The following TMEM108 variants were observed in gnomAD, a reference collection of about 807,000 sequenced individuals.
TMEM108 encodes the protein transmembrane protein 108, also known as cancer/testis antigen 124.
In TMEM108, 12 loss-of-function variants were observed where a neutral mutation model predicts 35.1. That is an observed-to-expected ratio of 0.34 (90% CI 0.22 to 0.55). The LOEUF (loss-of-function observed/expected upper bound fraction) is 0.55, where lower values mean the gene tolerates loss of function less well. Ranked by LOEUF, TMEM108 falls within the 20% of genes least tolerant of loss-of-function variation. The pLI, the probability that TMEM108 is intolerant of heterozygous loss-of-function variation, is 0.89. For synonymous variants in TMEM108, 287 were observed against 308.6 expected (o/e 0.93, Z 0.73); for missense variants, 680 against 753.3 (o/e 0.90, Z 1.14).
intron 3 of TMEM108, among the ~76,000 whole-genome samples, chr3:133,244,809 C>T (rs1168493315): frequency 2.0e-5 from 3 of 152,168 alleles, no homozygotes. Context: ...TAAAGAAGGG[C>T]AGTCTCTGTG....
chr3:133,189,226 A>G (rs953711577), intron 2 of TMEM108, among the ~76,000 whole-genome samples: 9 of 152,244 alleles, frequency 5.9e-5, no homozygotes, highest in African/African-American at 2.2e-4. Context: ...TAACTGATCT[A>G]GTGGTTTGGC....
At chr3:133,340,926 G>A (rs1461207960) in intron 3 of TMEM108, among the ~76,000 whole-genome samples, 5 of 151,718 alleles carry the variant, frequency 3.3e-5, no homozygotes, top group Non-Finnish European at 4.4e-5. Flanking sequence ...CATAATAAAA[G>A]CCATATACTA....
chr3:133,099,703 C>A (rs1398951825), intron 2 of TMEM108, among the ~76,000 whole-genome samples: 1 of 152,202 alleles, frequency 6.6e-6, no homozygotes, highest in Non-Finnish European at 1.5e-5. Flanking sequence ...AGTATGCCAC[C>A]AGTCTCTTTG....
chr3:133,387,803 T>C (rs1020549579), intron 4 of TMEM108: 10 of 980,284 alleles, frequency 1.0e-5, no homozygotes, highest in Non-Finnish European at 1.2e-5. Context: ...ATGCAAGTAA[T>C]AGATTGTCAC....
At chr3:133,198,957 T>C (rs1210649590) in intron 2 of TMEM108, among the ~76,000 whole-genome samples, 1 of 152,226 alleles carries the variant, frequency 6.6e-6, no homozygotes, top group Non-Finnish European at 1.5e-5. Flanking sequence ...TCTTTTCACA[T>C]ACTCCCATAT....
intron 2 of TMEM108, among the ~76,000 whole-genome samples, chr3:133,211,502 A>T (rs1386049776): frequency 6.6e-6 from 1 of 152,232 alleles, no homozygotes; most frequent in Admixed American, 6.5e-5. Context: ...ATATCATTTA[A>T]TTCCCTGACC....
At position 133,380,582 on chromosome 3, in the gene TMEM108, T is replaced by A; in HGVS notation, c.871T>A (p.Phe291Ile). Residue 291 changes from phenylalanine to isoleucine, a missense_variant, in exon 4 of 6, where the codon TTC becomes ATC. Transcript: ENST00000321871. This position sits in a 1 kb window ranked among gnomAD's most constrained non-coding sequence, Gnocchi z 5.3. ...RRAAQGGGST[F>I]TSQGGTPDAT... Reference sequence around the variant, plus strand: ...AGCAGCCCAGGGGGGTGGTTCTACCTTCACCAGCCAAGGAGGGACACCAGA... The same window carrying A: ...AGCAGCCCAGGGGGGTGGTTCTACCATCACCAGCCAAGGAGGGACACCAGA... 6.2e-7 allele frequency: 1 copy of A among 1,613,200 alleles called. No homozygotes were observed. Among genetic ancestry groups the A allele is most frequent in the Non-Finnish European group, 8.5e-7 (1 of 1,179,492 alleles).
intron 2 of TMEM108, among the ~76,000 whole-genome samples, chr3:133,129,358 C>A (rs931493515): frequency 5.4e-5 from 7 of 128,822 alleles, no homozygotes; most frequent in Non-Finnish European, 1.0e-4. Context: ...ACCCCCCCCC[C>A]CAAAAAAAAA....
At chr3:133,156,088 A>ATTTATTTATTTATTTATTTATTTATTTT (rs1944877926) in intron 2 of TMEM108, among the ~76,000 whole-genome samples, 1 of 149,292 alleles carries the variant, frequency 6.7e-6, no homozygotes, top group Non-Finnish European at 1.5e-5. Flanking sequence ...TTATTTATTT[A>ATTTATTTATTTATTTATTTATTTATTTT]TTCTTTTTGG....
chr3:133,169,813 T>C (rs1276363836), intron 2 of TMEM108, among the ~76,000 whole-genome samples: 1 of 152,144 alleles, frequency 6.6e-6, no homozygotes, highest in Non-Finnish European at 1.5e-5. Context: ...CAATTATCTA[T>C]CAAATACCAG....
At chr3:133,189,456 A>G (rs1267665171) in intron 2 of TMEM108, among the ~76,000 whole-genome samples, 1 of 152,162 alleles carries the variant, frequency 6.6e-6, no homozygotes, top group Non-Finnish European at 1.5e-5. Context: ...CATCCATTAC[A>G]TTGGGAAAAG....
intron 3 of TMEM108, among the ~76,000 whole-genome samples, chr3:133,239,676 T>C (rs1448831888): frequency 6.6e-6 from 1 of 152,202 alleles, no homozygotes; most frequent in Non-Finnish European, 1.5e-5. Context: ...AAGAATTACA[T>C]GTCTAAGTCT....
At chr3:133,172,117 T>C (rs1445418583) in intron 2 of TMEM108, among the ~76,000 whole-genome samples, 2 of 152,178 alleles carry the variant, frequency 1.3e-5, no homozygotes, top group African/African-American at 4.8e-5. Context: ...CATTTAACGC[T>C]CACAGGGATG....
intron 2 of TMEM108, among the ~76,000 whole-genome samples, chr3:133,057,147 G>A (rs9917759): frequency 0.068 from 10,377 of 152,062 alleles, 1,218 homozygotes; most frequent in African/African-American, 0.24. Context: ...TCAGCTACAA[G>A]AGTGTCAGTG....
chr3:133,238,055 G>A (rs1333796255), intron 3 of TMEM108, among the ~76,000 whole-genome samples: 1 of 151,996 alleles, frequency 6.6e-6, no homozygotes, highest in Non-Finnish European at 1.5e-5. Context: ...TTAATAGTCT[G>A]GTCCCGGACT....
At chr3:133,329,489 A>G (rs1333836197) in intron 3 of TMEM108, among the ~76,000 whole-genome samples, 1 of 152,142 alleles carries the variant, frequency 6.6e-6, no homozygotes, top group Admixed American at 6.5e-5. Context: ...GGCCTCAAAG[A>G]AAAGCTCCAG....
intron 2 of TMEM108, among the ~76,000 whole-genome samples, chr3:133,146,213 A>G (rs188527048): frequency 1.3e-5 from 2 of 152,318 alleles, no homozygotes; most frequent in South Asian, 2.1e-4. Context: ...TTCTGCATCT[A>G]TTGAGATAAT....
At chr3:133,364,784 T>TC (rs773960285) in intron 3 of TMEM108, among the ~76,000 whole-genome samples, 32 of 152,198 alleles carry the variant, frequency 2.1e-4, no homozygotes, top group Non-Finnish European at 4.6e-4. Flanking sequence ...CAGACCTGGT[T>TC]CCCAGGAAGC....
In TMEM108 at chr3:133,387,959, A is replaced by G. The variant is rs2073178008; in HGVS notation, c.1451-2221A>G. ...TCTACCTTAGAGAGGCGTGCAAACT[A>G]TACAAATCTGACTCACAGATACACT... On this transcript the variant is annotated intron_variant, in intron 4 of 5. Transcript: ENST00000321871. 1.3e-5 allele frequency: 13 copies of G among 985,338 alleles called. No individual in the cohort carries two copies. In the South Asian group the frequency reaches 5.2e-4, roughly 39 times the overall value. The allele number at this position is 985,338 out of a possible 1,614,324, so 61.0% of individuals were successfully genotyped here.
Sources: gnomAD v4.1 joint callset for allele counts (sites outside exome capture counted in the v4.1 genomes callset) on GRCh38, gnomAD v4.1.1 for gene constraint, Gnocchi (gnomAD v3.1) non-coding constraint, MANE v1.5 for transcripts, NCBI Gene and HGNC (gene_info 2026-07-23, HGNC 2026-07-21) for gene names.